LRRC18: variants seen among roughly 807,000 people sequenced by gnomAD.
The protein encoded by LRRC18 is leucine-rich repeat-containing protein 18.
LRRC18 carries 12 observed loss-of-function variants against 11.2 expected under a neutral mutation model. That is an observed-to-expected ratio of 1.07 (90% CI 0.69 to 1.74). The LOEUF (loss-of-function observed/expected upper bound fraction) is 1.74, where lower values mean the gene tolerates loss of function less well. Among genes scored for constraint, LRRC18 ranks in the 40% most tolerant of loss-of-function variants. The pLI, the probability that LRRC18 is intolerant of heterozygous loss-of-function variation, is 0.00. For missense variants in LRRC18, 374 were observed against 330.5 expected, an observed-to-expected ratio of 1.13 and a Z score of -1.02; for synonymous variants, 155 against 130.6, an observed-to-expected ratio of 1.19 and a Z score of -1.27.
the LRRC18 span, among the ~76,000 whole-genome samples, chr10:48,923,083 C>A: frequency 1.3e-4 from 20 of 152,308 alleles, no homozygotes; most frequent in Middle Eastern, 3.4e-3. Context: ...ATAGTTGGGA[C>A]TCCATATTCT....
chr10:48,912,944 C>T (rs761554790), intron 1 of LRRC18, among the ~76,000 whole-genome samples: 1 of 152,256 alleles, frequency 6.6e-6, no homozygotes, highest in Non-Finnish European at 1.5e-5. Context: ...TACTTTCTTA[C>T]AAACTCATGC....
At chr10:48,934,840 C>A in the LRRC18 span, among the ~76,000 whole-genome samples, 583 of 152,246 alleles carry the variant, frequency 3.8e-3, 1 homozygote, top group Non-Finnish European at 6.4e-3. Context: ...CTCACAGAGA[C>A]CCAGACTTTG....
chr10:48,928,327 G>A, the LRRC18 span, among the ~76,000 whole-genome samples: 5 of 151,416 alleles, frequency 3.3e-5, no homozygotes, highest in East Asian at 1.9e-4. Context: ...AGGGCAATGC[G>A]TGGCCCTTGG....
the LRRC18 span, among the ~76,000 whole-genome samples, chr10:48,924,297 C>A: frequency 6.6e-6 from 1 of 152,218 alleles, no homozygotes; most frequent in Admixed American, 6.5e-5. Context: ...TCCATCCTGA[C>A]CCCCTAAGCT....
At chr10:48,920,316 T>A in the LRRC18 span, among the ~76,000 whole-genome samples, 3 of 129,286 alleles carry the variant, frequency 2.3e-5, no homozygotes, top group Non-Finnish European at 4.6e-5. Context: ...AATTGAACAA[T>A]GAGAACACAT....
At chr10:48,938,474 C>T in the LRRC18 span, among the ~76,000 whole-genome samples, 3 of 152,262 alleles carry the variant, frequency 2.0e-5, no homozygotes, top group African/African-American at 7.2e-5. Context: ...ACAGGCTGCT[C>T]TGCCAGCCCC....
intron 1 of LRRC18, among the ~76,000 whole-genome samples, chr10:48,910,718 T>C (rs1175589218): frequency 6.6e-6 from 1 of 152,112 alleles, no homozygotes; most frequent in African/African-American, 2.4e-5. Context: ...CTTCCTGAGA[T>C]GTGTGATAAG....
exon 1 of LRRC18, chr10:48,913,754 G>T (rs748369916): frequency 6.2e-7 from 1 of 1,614,014 alleles, no homozygotes; most frequent in African/African-American, 1.3e-5. Flanking sequence ...TGGGCACGCT[G>T]TCCAGGTGGT....
At chr10:48,915,295 A>G (rs1202124270), upstream of LRRC18, among the ~76,000 whole-genome samples, 1 of 152,202 alleles carries the variant, frequency 6.6e-6, no homozygotes, top group African/African-American at 2.4e-5. Context: ...TTACCCTATC[A>G]TAGCGAGACT....
At chr10:48,909,627 AAGAG>A (rs763676506) in exon 2 of LRRC18, 2 of 152,170 alleles carry the variant, frequency 1.3e-5, no homozygotes, top group African/African-American at 4.8e-5. Flanking sequence ...TAGTGAGAGG[AAGAG>A]AGAGAGAGGA....
intron 1 of LRRC18, among the ~76,000 whole-genome samples, chr10:48,912,293 C>T (rs922331292): frequency 2.6e-5 from 4 of 152,218 alleles, no homozygotes; most frequent in African/African-American, 4.8e-5. Context: ...CTGCTGAGTA[C>T]GTTCTCCATG....
intron 1 of LRRC18, among the ~76,000 whole-genome samples, chr10:48,911,863 A>G (rs1262450583): frequency 1.3e-5 from 2 of 152,212 alleles, no homozygotes; most frequent in African/African-American, 4.8e-5. Flanking sequence ...GGTTTTAGAA[A>G]TATGATAGGG....
chr10:48,912,491 C>T (rs570145952), intron 1 of LRRC18, among the ~76,000 whole-genome samples: 3 of 152,362 alleles, frequency 2.0e-5, no homozygotes, highest in South Asian at 2.1e-4. Context: ...CAGCCCTGCA[C>T]ATCCACGACT....
At chr10:48,918,031 C>G (rs1185795218), upstream of LRRC18, among the ~76,000 whole-genome samples, 1 of 152,016 alleles carries the variant, frequency 6.6e-6, no homozygotes, top group South Asian at 2.1e-4. Flanking sequence ...TTTAAGCAGA[C>G]AGTAAAGTAT....
At chr10:48,913,507 C>A (rs774471606) in exon 1 of LRRC18, 4 of 1,613,862 alleles carry the variant, frequency 2.5e-6, no homozygotes, top group Non-Finnish European at 2.5e-6. Flanking sequence ...TTGTCCCGGG[C>A]GTTTTGGCAT....
At chr10:48,932,030 G>A in the LRRC18 span, among the ~76,000 whole-genome samples, 2 of 152,338 alleles carry the variant, frequency 1.3e-5, no homozygotes, top group South Asian at 4.1e-4. Context: ...GAGGCAAATA[G>A]AAGTGAGCCC....
the LRRC18 span, among the ~76,000 whole-genome samples, chr10:48,933,995 G>T: frequency 1.3e-5 from 2 of 152,100 alleles, no homozygotes; most frequent in African/African-American, 2.4e-5. Context: ...GGGCTCAGGG[G>T]CCCTGCAGGG....
At chr10:48,931,636 G>C in the LRRC18 span, among the ~76,000 whole-genome samples, 3 of 152,210 alleles carry the variant, frequency 2.0e-5, no homozygotes, top group African/African-American at 7.2e-5. Context: ...GGTTAGTGGA[G>C]AAAAAGGGTA....
chr10:48,919,162 C>G (rs186495433), upstream of LRRC18, among the ~76,000 whole-genome samples: 3 of 151,424 alleles, frequency 2.0e-5, no homozygotes, highest in East Asian at 5.8e-4. Flanking sequence ...AAACAGATAG[C>G]CAGACTGACA....
Sources: gnomAD v4.1 joint callset for allele counts (sites outside exome capture counted in the v4.1 genomes callset) on GRCh38, gnomAD v4.1.1 for gene constraint, MANE v1.5 for transcripts, NCBI Gene and HGNC (gene_info 2026-07-23, HGNC 2026-07-21) for gene names.